SCAPER: variants seen among roughly 807,000 people sequenced by gnomAD.
SCAPER encodes the protein S phase cyclin A-associated protein in the endoplasmic reticulum.
SCAPER carries 98 observed loss-of-function variants against 182.2 expected under a neutral mutation model. That is an observed-to-expected ratio of 0.54 (90% CI 0.46 to 0.64). SCAPER has a LOEUF of 0.64. Among genes scored for constraint, SCAPER ranks in the 30% least tolerant of loss-of-function variants. The pLI, the probability that SCAPER is intolerant of heterozygous loss-of-function variation, is 0.00. For missense variants in SCAPER, 1,432 were observed against 1,690.0 expected (o/e 0.85, Z 2.68); for synonymous variants, 605 against 564.6 (o/e 1.07, Z -1.01).
At chr15:76,650,558 A>T (rs1348020968) in intron 21 of SCAPER, among the ~76,000 whole-genome samples, 1 of 152,046 alleles carries the variant, frequency 6.6e-6, no homozygotes, top group Admixed American at 6.5e-5. Flanking sequence ...AAAATTTTTT[A>T]AACATAATAA....
chr15:76,531,651 T>A (rs1567367810), intron 23 of SCAPER, among the ~76,000 whole-genome samples: 3 of 146,570 alleles, frequency 2.0e-5, no homozygotes, highest in African/African-American at 7.5e-5. Flanking sequence ...AAATATATGT[T>A]AAAAAAAAAA....
intron 21 of SCAPER, among the ~76,000 whole-genome samples, chr15:76,656,728 T>A (rs2055669691): frequency 6.6e-6 from 1 of 152,136 alleles, no homozygotes. Context: ...GAAGTAGGTA[T>A]CAATTCTAAG....
intron 23 of SCAPER, among the ~76,000 whole-genome samples, chr15:76,548,999 T>C (rs2144897083): frequency 6.6e-6 from 1 of 152,096 alleles, no homozygotes; most frequent in East Asian, 1.9e-4. Context: ...ACCATCAGAG[T>C]GAACAGGCAA....
intron 29 of SCAPER, among the ~76,000 whole-genome samples, chr15:76,368,690 G>T (rs2041963291): frequency 6.6e-6 from 1 of 152,176 alleles, no homozygotes; most frequent in Admixed American, 6.5e-5. Flanking sequence ...TCCTTTCAGG[G>T]ATCACAAGAA....
chr15:76,381,459 G>A lies in SCAPER; in HGVS notation c.3624C>T (p.Tyr1208=), dbSNP rs749172794. ...TGGCCACTTGGATGGTATTTTGAGT[G>A]TAATTCTCCTTGGGACTGGCAGTGC... ...DPSTASPKEN[Y]TQNTIQVAIQ... The change falls in exon 28 of 32, where the codon TAC becomes TAT. Residue 1208 remains tyrosine, a synonymous_variant. Coordinates refer to ENST00000563290, the MANE Select transcript of SCAPER (RefSeq NM_020843.4). The A allele has an allele frequency of 2.5e-6, 4 of 1,613,762 alleles. No homozygotes were observed. The highest frequency in any genetic ancestry group is 2.7e-5 in the African/African-American group (2 of 74,946).
At chr15:76,390,753 C>G (rs2043635980) in intron 27 of SCAPER, among the ~76,000 whole-genome samples, 1 of 152,172 alleles carries the variant, frequency 6.6e-6, no homozygotes, top group African/African-American at 2.4e-5. Context: ...CTTTGGGGCT[C>G]TCTTTACAGT....
intron 23 of SCAPER, among the ~76,000 whole-genome samples, chr15:76,524,748 A>T (rs2144383522): frequency 7.0e-6 from 1 of 141,870 alleles, no homozygotes; most frequent in Non-Finnish European, 1.5e-5. Flanking sequence ...CCAATACGTA[A>T]GAGTGTATGC....
chr15:76,516,461 G>A (rs892864054), intron 23 of SCAPER, among the ~76,000 whole-genome samples: 1 of 149,362 alleles, frequency 6.7e-6, no homozygotes, highest in African/African-American at 2.5e-5. Flanking sequence ...AAAACATGCA[G>A]TGTTTGGTTT....
chr15:76,693,001 C>G (rs1037743981), intron 20 of SCAPER, among the ~76,000 whole-genome samples: 1 of 151,948 alleles, frequency 6.6e-6, no homozygotes, highest in Non-Finnish European at 1.5e-5. Flanking sequence ...TTTCAATTAC[C>G]GATTGAGAGG....
intron 25 of SCAPER, among the ~76,000 whole-genome samples, chr15:76,442,711 G>A (rs910607410): frequency 5.3e-5 from 8 of 152,114 alleles, no homozygotes; most frequent in African/African-American, 1.7e-4. Flanking sequence ...GGCTCAGAAA[G>A]GTTAAGCAAC....
chr15:76,779,122 A>T (rs2063931297), intron 8 of SCAPER, among the ~76,000 whole-genome samples: 1 of 152,128 alleles, frequency 6.6e-6, no homozygotes, highest in Non-Finnish European at 1.5e-5. Context: ...GTGGAAAAAC[A>T]GCAACTGACA....
At chr15:76,491,639 G>T (rs2052319548) in intron 24 of SCAPER, among the ~76,000 whole-genome samples, 1 of 151,798 alleles carries the variant, frequency 6.6e-6, no homozygotes, top group Non-Finnish European at 1.5e-5. Context: ...TTGTTTTTTT[G>T]TTTTCTGTTT....
At chr15:76,807,301 T>C (rs997355139) in intron 5 of SCAPER, among the ~76,000 whole-genome samples, 1 of 152,324 alleles carries the variant, frequency 6.6e-6, no homozygotes, top group East Asian at 1.9e-4. Context: ...CCAACTGAGA[T>C]AATCTGTGAT....
chr15:76,456,112 T>C (rs536700072), intron 25 of SCAPER, among the ~76,000 whole-genome samples: 13 of 152,330 alleles, frequency 8.5e-5, no homozygotes, highest in African/African-American at 3.1e-4. Context: ...CTATTGTAAA[T>C]AGTGCTTCAA....
intron 4 of SCAPER, among the ~76,000 whole-genome samples, chr15:76,848,402 C>T (rs565259293): frequency 2.7e-5 from 4 of 148,018 alleles, no homozygotes; most frequent in Non-Finnish European, 3.0e-5. Context: ...AATCTCGGTT[C>T]GGTTCACTGC....
At chr15:76,746,247 T>C (rs2061788121) in intron 15 of SCAPER, among the ~76,000 whole-genome samples, 1 of 152,230 alleles carries the variant, frequency 6.6e-6, no homozygotes. Context: ...GGGGGATTGA[T>C]TCCAGGATCC....
intron 20 of SCAPER, among the ~76,000 whole-genome samples, chr15:76,678,476 C>A (rs538220904): frequency 6.6e-6 from 1 of 152,056 alleles, no homozygotes; most frequent in South Asian, 2.1e-4. Context: ...CTGCCCAGCA[C>A]GACAACAAAT....
In SCAPER at chr15:76,616,537, G is replaced by A. The variant is rs990907662; in HGVS notation, c.2711+5227C>T. On this transcript the variant is annotated intron_variant, in intron 22 of 31. Coordinates refer to ENST00000563290, the MANE Select transcript of SCAPER (RefSeq NM_020843.4). ...TTTATAAGATGAAAATAGTTCTGGAGATGGATGATGTAATAGCTACACAAC... is the reference window on the plus strand; with the variant it reads ...TTTATAAGATGAAAATAGTTCTGGAAATGGATGATGTAATAGCTACACAAC... Among the ~76,000 whole-genome samples, 3 of 152,092 alleles carry A rather than the reference G, an allele frequency of 2.0e-5. No homozygotes were observed. In the East Asian group the frequency reaches 5.8e-4, roughly 29 times the overall value.
At chr15:76,826,395 C>T (rs1448203219) in intron 5 of SCAPER, among the ~76,000 whole-genome samples, 2 of 121,290 alleles carry the variant, frequency 1.6e-5, no homozygotes, top group Non-Finnish European at 3.2e-5. Flanking sequence ...GGGAACATCA[C>T]ACTCTGAGGA....
Sources: gnomAD v4.1 joint callset for allele counts (sites outside exome capture counted in the v4.1 genomes callset) on GRCh38, gnomAD v4.1.1 for gene constraint, MANE v1.5 for transcripts, NCBI Gene and HGNC (gene_info 2026-07-23, HGNC 2026-07-21) for gene names.